PHOSPHO2: variants seen among roughly 807,000 people sequenced by gnomAD.
PHOSPHO2 encodes phosphatase, orphan 2.
In PHOSPHO2, 14 loss-of-function variants were observed where a neutral mutation model predicts 16.4. The observed-to-expected ratio is 0.85, with a 90% CI of 0.56 to 1.33. PHOSPHO2 has a LOEUF of 1.33. Ranked by LOEUF, PHOSPHO2 falls within the 40% of genes most tolerant of loss-of-function variation. PHOSPHO2 has a pLI of 0.00. For missense variants in PHOSPHO2, 246 were observed against 282.5 expected (o/e 0.87, Z 0.93); for synonymous variants, 85 against 90.5 (o/e 0.94, Z 0.34).
At chr2:169,700,067 C>A (rs1259991112) in intron 3 of PHOSPHO2, among the ~76,000 whole-genome samples, 2 of 150,138 alleles carry the variant, frequency 1.3e-5, no homozygotes, top group Non-Finnish European at 3.0e-5. Context: ...AACTTTTCAA[C>A]TTTATAATAG....
At position 169,701,585 on chromosome 2, in the gene PHOSPHO2, A is replaced by G; in HGVS notation, c.614A>G (p.Gln205Arg). The G allele has an allele frequency of 6.2e-7, 1 of 1,611,382 alleles. No homozygotes were observed. Among genetic ancestry groups the G allele is most frequent in the South Asian group, 1.1e-5 (1 of 91,026 alleles). ...VAMPRKGYTL[Q>R]KTLSRMSQNL... is the part of the protein sequence containing the mutation. ...ATGCCACGGAAAGGATATACCTTACAGAAAACTCTTTCCAGAATGTCTCAA... is the reference window on the plus strand; with the variant it reads ...ATGCCACGGAAAGGATATACCTTACGGAAAACTCTTTCCAGAATGTCTCAA... The change falls in exon 4 of 4, where the codon CAG (glutamine) becomes CGG (arginine). Residue 205 changes from glutamine (Q) to arginine (R), a missense_variant. By Grantham distance (43) the Gln-to-Arg change is conservative. Transcript: ENST00000359744.
chr2:169,699,485 C>T (rs193249834), intron 3 of PHOSPHO2, among the ~76,000 whole-genome samples: 1 of 152,232 alleles, frequency 6.6e-6, no homozygotes, highest in East Asian at 1.9e-4. Flanking sequence ...AGTGAACATA[C>T]GCTTGCATGT....
In PHOSPHO2 at chr2:169,694,720, A is replaced by G. The variant is rs1305736079; in HGVS notation, c.-231+98A>G. On this transcript the variant is annotated intron_variant, in intron 1 of 3. Transcript: ENST00000359744. ...CGACCCCCGATTGGGTCCGATGCCT[A>G]CCCTCGGGGTGGAGCCGGCAGGTGT... The G allele has an allele frequency of 2.5e-5, 8 of 320,084 alleles. No homozygotes were observed. In the East Asian group the frequency reaches 5.0e-4, roughly 20 times the overall value. 19.8% of individuals were successfully genotyped at this position (320,084 alleles called of 1,614,324 possible). A position where few individuals can be genotyped will look rare whatever the true frequency, so the allele number is the denominator to read the frequency against.
In PHOSPHO2 at chr2:169,695,224, C is replaced by T. The variant is rs1451924760; in HGVS notation, c.-221C>T. ...TGCTATTTTTCTTTAGGTTTTCTATCAGATGTTCCACGTAATAATGCTGGT... is the reference window on the plus strand; with the variant it reads ...TGCTATTTTTCTTTAGGTTTTCTATTAGATGTTCCACGTAATAATGCTGGT... On this transcript the variant is annotated 5_prime_UTR_variant, in exon 2 of 4. Transcript: ENST00000359744. 1 of 152,210 alleles carries T rather than the reference C, an allele frequency of 6.6e-6. No individual in the cohort carries two copies. The highest frequency in any genetic ancestry group is 6.5e-5 in the Admixed American group (1 of 15,282). The allele number at this position is 152,210 out of a possible 1,614,324, so 9.4% of individuals were successfully genotyped here. A position where few individuals can be genotyped will look rare whatever the true frequency, so the allele number is the denominator to read the frequency against.
intron 2 of PHOSPHO2, among the ~76,000 whole-genome samples, 189 bp from the exon 3 acceptor site, chr2:169,697,172 C>T (rs1269207068): frequency 1.3e-5 from 2 of 152,020 alleles, no homozygotes; most frequent in Non-Finnish European, 2.9e-5. Context: ...CCCGCCACCA[C>T]GCCCAGCTAA....
chr2:169,700,775 G>T (rs1309124777), intron 3 of PHOSPHO2, among the ~76,000 whole-genome samples, 171 bp from the exon 4 acceptor site: 1 of 151,918 alleles, frequency 6.6e-6, no homozygotes, highest in Non-Finnish European at 1.5e-5. Flanking sequence ...ACTCAAATAC[G>T]AACTTTGCTT....
At chr2:169,699,105 A>T (rs1380992996) in intron 3 of PHOSPHO2, among the ~76,000 whole-genome samples, 2 of 152,144 alleles carry the variant, frequency 1.3e-5, no homozygotes, top group African/African-American at 2.4e-5. Context: ...TTTGCTGCAC[A>T]GATCATCACA....
Position 169,700,990 on chromosome 2 carries a change from T to G in PHOSPHO2, c.19T>G (p.Phe7Val). The change falls in exon 4 of 4, where the codon TTT (phenylalanine) becomes GTT (valine). Residue 7 changes from phenylalanine (F) to valine (V), a missense_variant. Physicochemically the swap from Phe to Val is conservative, Grantham distance 50. Transcript: ENST00000359744. ...TGGAACCATGAAAATTTTGCTAGTT[T>G]TTGACTTTGACAATACAATCATAGA... MKILLV[F>V]DFDNTIIDDN... 1 of 1,593,092 alleles carries G rather than the reference T, an allele frequency of 6.3e-7. No individual in the cohort carries two copies. The highest frequency in any genetic ancestry group is 8.5e-7 in the Non-Finnish European group (1 of 1,171,440).
chr2:169,700,036 C>T (rs1687694738), intron 3 of PHOSPHO2, among the ~76,000 whole-genome samples: 1 of 152,062 alleles, frequency 6.6e-6, no homozygotes, highest in Non-Finnish European at 1.5e-5. Context: ...ACATCGATGC[C>T]TTTCACTTCA....
intron 2 of PHOSPHO2, among the ~76,000 whole-genome samples, chr2:169,697,019 AAT>A (rs1491093785): frequency 2.9e-5 from 4 of 137,920 alleles, no homozygotes; most frequent in Admixed American, 7.0e-5. Context: ...CAAAAAAAAA[AAT>A]TTTTTTTTTT....
intron 3 of PHOSPHO2, chr2:169,698,229 A>G (rs1205582794): frequency 2.6e-5 from 4 of 152,220 alleles, no homozygotes; most frequent in African/African-American, 9.6e-5. Flanking sequence ...AGAGTATCAC[A>G]GATGTGGTGT....
intron 3 of PHOSPHO2, chr2:169,698,083 C>A (rs1206557991): frequency 6.6e-6 from 1 of 152,166 alleles, no homozygotes; most frequent in Non-Finnish European, 1.5e-5. Context: ...GTCTTCACTA[C>A]TGGGTGTCTA....
chr2:169,697,973 C>G (rs1687608274), intron 3 of PHOSPHO2: 1 of 152,174 alleles, frequency 6.6e-6, no homozygotes, highest in African/African-American at 2.4e-5. Context: ...CAGCCACATT[C>G]ACACAACAGG....
chr2:169,701,037 T>C lies in PHOSPHO2; in HGVS notation c.66T>C (p.Ile22=), dbSNP rs549014744. ...TIIDDNSDTW[I]VQCAPNKKLP... is the part of the protein sequence containing the mutation. ...TAGATGACAATAGTGACACTTGGAT[T>C]GTACAATGTGCTCCCAACAAAAAGC... Residue 22 remains isoleucine, a synonymous_variant, in exon 4 of 4, where the codon ATT becomes ATC. Transcript: ENST00000359744. 10 of 1,613,482 alleles carry C rather than the reference T, an allele frequency of 6.2e-6. No individual in the cohort carries two copies. The highest frequency in any genetic ancestry group is 8.5e-6 in the Non-Finnish European group (10 of 1,179,934).
chr2:169,701,553 T>A lies in PHOSPHO2; in HGVS notation c.582T>A (p.Asp194Glu), dbSNP rs1217721101. 1 of 1,613,432 alleles carries A rather than the reference T, an allele frequency of 6.2e-7. No individual in the cohort carries two copies. ...VCPVTFLKND[D>E]VAMPRKGYTL... ...CAGTCACCTTTTTAAAGAATGATGA[T>A]GTTGCCATGCCACGGAAAGGATATA... The change falls in exon 4 of 4, where the codon GAT becomes GAA. Residue 194 changes from aspartate (D) to glutamate (E), a missense_variant. Transcript: ENST00000359744.
Position 169,697,416 on chromosome 2 carries a change from A to G in PHOSPHO2, c.-142A>G, listed in dbSNP as rs186769218. On this transcript the variant is annotated 5_prime_UTR_variant, in exon 3 of 4. The change creates a new upstream start codon in the 5' untranslated region. Coordinates refer to ENST00000359744, the MANE Select transcript of PHOSPHO2 (RefSeq NM_001008489.4). Reference sequence around the variant, plus strand: ...AACCAGAAGACTCTGTTCCCTGTATATAGAATAGGAGTAATATTTGAAAAC... The same window carrying G: ...AACCAGAAGACTCTGTTCCCTGTATGTAGAATAGGAGTAATATTTGAAAAC... 1.3e-5 allele frequency: 2 copies of G among 152,358 alleles called. No homozygotes were observed. The highest frequency in any genetic ancestry group is 6.5e-5 in the Admixed American group (1 of 15,308). 9.4% of individuals were successfully genotyped at this position (152,358 alleles called of 1,614,324 possible). A position where few individuals can be genotyped will look rare whatever the true frequency, so the allele number is the denominator to read the frequency against.
rs752018142 is a variant in PHOSPHO2, at chr2:169,701,700, T to C, written c.*3T>C. 2.0e-6 allele frequency: 3 copies of C among 1,504,890 alleles called. No homozygotes were observed. Among genetic ancestry groups the C allele is most frequent in the East Asian group, 4.6e-5 (2 of 43,876 alleles). 93.2% of individuals were successfully genotyped at this position (1,504,890 alleles called of 1,614,324 possible). A position where few individuals can be genotyped will look rare whatever the true frequency, so the allele number is the denominator to read the frequency against. On this transcript the variant is annotated 3_prime_UTR_variant, in exon 4 of 4. Coordinates refer to ENST00000359744, the MANE Select transcript of PHOSPHO2 (RefSeq NM_001008489.4). ...TACAATTTCTAATAAAGGATTAATA[T>C]GTCAGCAATTGAAAAGTGTATCACT...
chr2:169,694,621 G>C lies in PHOSPHO2; in HGVS notation c.-232G>C. 1.9e-6 allele frequency: 1 copy of C among 520,828 alleles called. No homozygotes were observed. 32.3% of individuals were successfully genotyped at this position (520,828 alleles called of 1,614,324 possible). On this transcript the variant is annotated splice_region_variant and 5_prime_UTR_variant, in exon 1 of 4. Transcript: ENST00000359744. ...CGGGGCGGCTGCCGACGGCGGGACT[G>C]GGTCAGTGAGAAGCCCGTGGGCCCC...
rs1384525688 is a variant in PHOSPHO2, at chr2:169,701,486, C to T, written c.515C>T (p.Thr172Ile). 2.5e-6 allele frequency: 4 copies of T among 1,612,642 alleles called. No homozygotes were observed. The highest frequency in any genetic ancestry group is 2.7e-5 in the African/African-American group (2 of 74,982). Residue 172 changes from threonine to isoleucine, a missense_variant, in exon 4 of 4, where the codon ACA becomes ATA. Coordinates refer to ENST00000359744, the MANE Select transcript of PHOSPHO2 (RefSeq NM_001008489.4). ...CAGTTACAACAGGGAGTGAATTATA[C>T]ACAAATTGTTTATATTGGTGATGGT... Reference protein sequence around the residue: ...DKQLQQGVNYTQIVYIGDGGN... With the variant: ...DKQLQQGVNYIQIVYIGDGGN...
Sources: gnomAD v4.1 joint callset for allele counts (sites outside exome capture counted in the v4.1 genomes callset) on GRCh38, gnomAD v4.1.1 for gene constraint, MANE v1.5 for transcripts, NCBI Gene and HGNC (gene_info 2026-07-23, HGNC 2026-07-21) for gene names.